Variants in SHLD3 observed in about 807,000 individuals in gnomAD.
SHLD3 encodes REV7-interacting novel NHEJ regulator 1.
A neutral mutation model predicts 21.4 loss-of-function variants in SHLD3; 15 were observed. The observed-to-expected ratio is 0.70, with a 90% CI of 0.47 to 1.08. The LOEUF is 1.08. Ranked by LOEUF, SHLD3 falls within the 50% of genes least tolerant of loss-of-function variation. SHLD3 has a pLI of 0.00. For synonymous variants in SHLD3, 103 were observed against 97.2 expected (o/e 1.06, Z -0.35); for missense variants, 273 against 286.1 (o/e 0.95, Z 0.33).
At chr5:65,626,774 A>G (rs1755254659) in intron 1 of SHLD3, among the ~76,000 whole-genome samples, 2 of 152,058 alleles carry the variant, frequency 1.3e-5, no homozygotes, top group East Asian at 3.9e-4. Flanking sequence ...CCAGTGATAC[A>G]GAGACTGCCA....
chr5:65,625,642 T>C (rs1755181600), intron 1 of SHLD3, among the ~76,000 whole-genome samples: 1 of 152,248 alleles, frequency 6.6e-6, no homozygotes. Flanking sequence ...CAACTCTCAT[T>C]TTTTGTACAC....
At position 65,630,615 on chromosome 5, in the gene SHLD3, A is replaced by G; in HGVS notation, c.*275A>G. ...TCATGAATTAAGTTGTATAGTTTGG[A>G]TTTTGGTTAATCTCTAAAATCTAAT... is the stretch of plus-strand genomic sequence containing the variant. On this transcript the variant is annotated 3_prime_UTR_variant, in exon 2 of 2. Coordinates refer to ENST00000510585, the MANE Select transcript of SHLD3 (RefSeq NM_001365341.2). 9.4e-7 allele frequency: 1 copy of G among 1,065,412 alleles called. No homozygotes were observed. Among genetic ancestry groups the G allele is most frequent in the Non-Finnish European group, 1.1e-6 (1 of 882,046 alleles). 66.0% of individuals were successfully genotyped at this position (1,065,412 alleles called of 1,614,324 possible).
intron 1 of SHLD3, among the ~76,000 whole-genome samples, chr5:65,626,931 A>G (rs1355976407): frequency 5.9e-5 from 9 of 152,004 alleles, no homozygotes. Flanking sequence ...ACTTGAGATC[A>G]GGAGTTGACA....
At chr5:65,628,653 G>A (rs1157629111) in intron 1 of SHLD3, among the ~76,000 whole-genome samples, 7 of 151,130 alleles carry the variant, frequency 4.6e-5, no homozygotes, top group African/African-American at 1.7e-4. Context: ...TGTATCTTTA[G>A]TAGAGCCGGA....
At position 65,630,024 on chromosome 5, in the gene SHLD3, C is replaced by G; in HGVS notation, c.437C>G (p.Ser146Cys). The G allele has an allele frequency of 6.5e-7, 1 of 1,535,946 alleles. No homozygotes were observed. The highest frequency in any genetic ancestry group is 8.7e-7 in the Non-Finnish European group (1 of 1,146,840). The change falls in exon 2 of 2, where the codon TCT (serine) becomes TGT (cysteine). Residue 146 changes from serine to cysteine, a missense_variant. Coordinates refer to ENST00000510585, the MANE Select transcript of SHLD3 (RefSeq NM_001365341.2). ...LPSNNCTKNVSPLSKKLQDSL... is the reference protein window; with the variant it reads ...LPSNNCTKNVCPLSKKLQDSL... ...AGCAATAATTGTACTAAAAACGTTT[C>G]TCCTTTGTCTAAAAAATTGCAAGAT... is the stretch of plus-strand genomic sequence containing the variant.
intron 1 of SHLD3, among the ~76,000 whole-genome samples, chr5:65,626,758 T>C (rs1000155940): frequency 6.6e-6 from 1 of 152,012 alleles, no homozygotes; most frequent in Non-Finnish European, 1.5e-5. Context: ...AACAAAAAGT[T>C]AAATTCCAGT....
intron 1 of SHLD3, 194 bp downstream of exon 1, chr5:65,625,300 A>G: frequency 1.7e-6 from 1 of 590,466 alleles, no homozygotes; most frequent in East Asian, 2.8e-5. Flanking sequence ...CTAGAACGAA[A>G]TAGATACCTG....
At chr5:65,629,371 G>A in intron 1 of SHLD3, 97 bp from the exon 2 acceptor site, 1 of 877,922 alleles carries the variant, frequency 1.1e-6, no homozygotes, top group Middle Eastern at 4.0e-4. Context: ...TACCACATTG[G>A]GATTGGTTTT....
At chr5:65,627,131 CAAA>C (rs60169195) in intron 1 of SHLD3, among the ~76,000 whole-genome samples, 69 of 32,570 alleles carry the variant, frequency 2.1e-3, no homozygotes, top group South Asian at 7.7e-3. Flanking sequence ...GACCCTGTCT[CAAA>C]AAAAAAAAAA....
At position 65,630,630 on chromosome 5, in the gene SHLD3, TA is replaced by T; in HGVS notation, c.*294del. On this transcript the variant is annotated 3_prime_UTR_variant, in exon 2 of 2. Transcript: ENST00000510585. ...TATAGTTTGGATTTTGGTTAATCTC[TA>T]AAATCTAATTTTACTGTATTTTTTT... 1.9e-6 allele frequency: 2 copies of T among 1,038,418 alleles called. No individual in the cohort carries two copies. The highest frequency in any genetic ancestry group is 2.3e-6 in the Non-Finnish European group (2 of 863,722). The allele number at this position is 1,038,418 out of a possible 1,614,324, so 64.3% of individuals were successfully genotyped here.
At chr5:65,629,066 T>C (rs1478011084) in intron 1 of SHLD3, among the ~76,000 whole-genome samples, 1 of 152,196 alleles carries the variant, frequency 6.6e-6, no homozygotes, top group African/African-American at 2.4e-5. Context: ...CTCAATTTAG[T>C]TGCCTCAAAT....
Position 65,630,649 on chromosome 5 carries a change from A to AT in SHLD3, c.*316dup. The AT allele has an allele frequency of 9.8e-7, 1 of 1,020,666 alleles. No individual in the cohort carries two copies. The highest frequency in any genetic ancestry group is 1.2e-6 in the Non-Finnish European group (1 of 852,042). 63.2% of individuals were successfully genotyped at this position (1,020,666 alleles called of 1,614,324 possible). A position where few individuals can be genotyped will look rare whatever the true frequency, so the allele number is the denominator to read the frequency against. On this transcript the variant is annotated 3_prime_UTR_variant, in exon 2 of 2. Transcript: ENST00000510585. The stretch of plus-strand genomic sequence containing the variant: ...AATCTCTAAAATCTAATTTTACTGT[A>AT]TTTTTTTCCTTACCTCAAGTGTAAT...
At chr5:65,626,561 C>T (rs1032380582) in intron 1 of SHLD3, among the ~76,000 whole-genome samples, 1 of 152,080 alleles carries the variant, frequency 6.6e-6, no homozygotes, top group Non-Finnish European at 1.5e-5. Context: ...CATAGTGAAA[C>T]CCCGTCTCTA....
Position 65,629,719 on chromosome 5 carries a change from T to C in SHLD3, c.132T>C (p.Tyr44=), listed in dbSNP as rs1264029388. The C allele has an allele frequency of 1.3e-6, 2 of 1,536,092 alleles. No individual in the cohort carries two copies. Among genetic ancestry groups the C allele is most frequent in the South Asian group, 2.4e-5 (2 of 84,068 alleles). The change falls in exon 2 of 2, where the codon TAT becomes TAC. Residue 44 remains tyrosine (Y), a synonymous_variant. Transcript: ENST00000510585. ...CAAGATTTATACCTTGGTTTCCATA[T>C]GATGGGTCCAAGCTTCCACTCAGAC... is the stretch of plus-strand genomic sequence containing the variant. ...PLSRFIPWFP[Y]DGSKLPLRPK...
Position 65,630,153 on chromosome 5 carries a change from A to G in SHLD3, c.566A>G (p.Asn189Ser), listed in dbSNP as rs1423913719. ...QTLEDIWTKL[N>S]QIIRHNELPS... The stretch of plus-strand genomic sequence containing the variant: ...CTGGAAGACATTTGGACAAAACTCA[A>G]TCAAATTATTAGGCACAATGAACTT... Residue 189 changes from asparagine (N) to serine (S), a missense_variant, in exon 2 of 2, where the codon AAT becomes AGT. Physicochemically the swap from Asn to Ser is conservative, Grantham distance 46 (BLOSUM62 1). Coordinates refer to ENST00000510585, the MANE Select transcript of SHLD3 (RefSeq NM_001365341.2). 5 of 1,536,040 alleles carry G rather than the reference A, an allele frequency of 3.3e-6. No individual in the cohort carries two copies. The highest frequency in any genetic ancestry group is 4.4e-6 in the Non-Finnish European group (5 of 1,146,844).
Position 65,629,678 on chromosome 5 carries a change from C to G in SHLD3, c.91C>G (p.Pro31Ala). ...TGCAGAAAAAGCAATTCAAGACTTT[C>G]CTACTCGTCCGCTATCAAGATTTAT... ...KIAEKAIQDFPTRPLSRFIPW... is the reference protein window; with the variant it reads ...KIAEKAIQDFATRPLSRFIPW... The change falls in exon 2 of 2, where the codon CCT becomes GCT. Residue 31 changes from proline to alanine, a missense_variant. Physicochemically the swap from Pro to Ala is conservative, Grantham distance 27. Transcript: ENST00000510585. 6.5e-7 allele frequency: 1 copy of G among 1,536,052 alleles called. No individual in the cohort carries two copies. The highest frequency in any genetic ancestry group is 8.7e-7 in the Non-Finnish European group (1 of 1,146,892).
At position 65,629,689 on chromosome 5, in the gene SHLD3, G is replaced by A. The variant is rs1285157985; in HGVS notation, c.102G>A (p.Pro34=). The A allele has an allele frequency of 9.1e-6, 14 of 1,535,990 alleles. No individual in the cohort carries two copies. The highest frequency in any genetic ancestry group is 4.9e-5 in the East Asian group (2 of 40,906). ...CAATTCAAGACTTTCCTACTCGTCCGCTATCAAGATTTATACCTTGGTTTC... is the reference window on the plus strand; with the variant it reads ...CAATTCAAGACTTTCCTACTCGTCCACTATCAAGATTTATACCTTGGTTTC... ...EKAIQDFPTR[P]LSRFIPWFPY... is the part of the protein sequence containing the mutation. The change falls in exon 2 of 2, where the codon CCG becomes CCA. Residue 34 remains proline, a synonymous_variant. Transcript: ENST00000510585.
At chr5:65,628,864 C>G (rs1304685848) in intron 1 of SHLD3, among the ~76,000 whole-genome samples, 1 of 151,540 alleles carries the variant, frequency 6.6e-6, no homozygotes, top group Non-Finnish European at 1.5e-5. Flanking sequence ...TGCTCTATCG[C>G]CCAGGCTGAG....
chr5:65,630,091 A>G lies in SHLD3; in HGVS notation c.504A>G (p.Arg168=). 3 of 1,536,118 alleles carry G rather than the reference A, an allele frequency of 2.0e-6. No homozygotes were observed. Among genetic ancestry groups the G allele is most frequent in the Non-Finnish European group, 2.6e-6 (3 of 1,146,886 alleles). Residue 168 remains arginine, a synonymous_variant, in exon 2 of 2, where the codon AGA becomes AGG. Coordinates refer to ENST00000510585, the MANE Select transcript of SHLD3 (RefSeq NM_001365341.2). ...ALNLHSLYRA[R]WTIEHTICNS... ...ATTTACACTCACTTTATAGAGCAAG[A>G]TGGACAATAGAACACACTATTTGTA... is the stretch of plus-strand genomic sequence containing the variant.
Sources: allele counts gnomAD v4.1 joint callset (sites outside exome capture counted in the v4.1 genomes callset), GRCh38; gene constraint gnomAD v4.1.1; transcripts MANE v1.5; gene names NCBI Gene and HGNC (gene_info 2026-07-23, HGNC 2026-07-21).